Variants in MRPL13 observed in about 807,000 individuals in gnomAD.
MRPL13 encodes large ribosomal subunit protein uL13m.
Under a neutral mutation model 29.0 loss-of-function variants are expected in MRPL13, and 33 were observed. The observed-to-expected ratio is 1.14, with a 90% CI of 0.86 to 1.52. The LOEUF (loss-of-function observed/expected upper bound fraction) is 1.52, where lower values mean the gene tolerates loss of function less well. Ranked by LOEUF, MRPL13 falls within the 40% of genes most tolerant of loss-of-function variation. The pLI, the probability that MRPL13 is intolerant of heterozygous loss-of-function variation, is 0.00. For missense variants in MRPL13, 227 were observed against 216.7 expected (o/e 1.05, Z -0.30); for synonymous variants, 77 against 68.4 (o/e 1.13, Z -0.62).
chr8:120,412,908 G>A (rs1308749865), intron 6 of MRPL13, among the ~76,000 whole-genome samples: 1 of 151,850 alleles, frequency 6.6e-6, no homozygotes, highest in Non-Finnish European at 1.5e-5. Context: ...ATCTCTCTGT[G>A]CCCATATTTT....
At chr8:120,441,131 T>C (rs765317858) in intron 2 of MRPL13, among the ~76,000 whole-genome samples, 1 of 152,026 alleles carries the variant, frequency 6.6e-6, no homozygotes, top group Non-Finnish European at 1.5e-5. Flanking sequence ...ATGCTATTAA[T>C]TGAGACAGGG....
intron 2 of MRPL13, among the ~76,000 whole-genome samples, chr8:120,435,316 A>C (rs971411212): frequency 6.6e-6 from 1 of 152,124 alleles, no homozygotes; most frequent in Non-Finnish European, 1.5e-5. Flanking sequence ...TTTGTCACCT[A>C]GGCAATAAGC....
chr8:120,432,100 TAAC>T lies in MRPL13; in HGVS notation c.172_174del (p.Val58del), dbSNP rs1463631454. 5 of 1,604,252 alleles carry T rather than the reference TAAC, an allele frequency of 3.1e-6. No homozygotes were observed. Among genetic ancestry groups the T allele is most frequent in the Admixed American group, 3.4e-5 (2 of 58,664 alleles). ...AATGCAATGTGTCTTGTGTTCATTA[TAAC>T]AACATGATCCCCACAGTCACCTACA... On this transcript the variant is annotated inframe_deletion, in exon 3 of 7. Coordinates refer to ENST00000306185, the MANE Select transcript of MRPL13 (RefSeq NM_014078.6).
Position 120,395,825 on chromosome 8 carries a change from C to T in MRPL13, c.*279G>A, listed in dbSNP as rs1812516089. The T allele has an allele frequency of 1.1e-5, 3 of 284,336 alleles. No individual in the cohort carries two copies. The East Asian group carries it at 2.1e-4, about 20-fold the overall frequency. The allele number at this position is 284,336 out of a possible 1,614,324, so 17.6% of individuals were successfully genotyped here. ...TCTATACACAGGGTCTGTTTTTTAT[C>T]ATTAAATGCAACACTAAATAGTCAA... On this transcript the variant is annotated 3_prime_UTR_variant, in exon 7 of 7. Coordinates refer to ENST00000306185, the MANE Select transcript of MRPL13 (RefSeq NM_014078.6).
intron 6 of MRPL13, among the ~76,000 whole-genome samples, chr8:120,408,152 T>A (rs936172437): frequency 2.0e-5 from 3 of 152,224 alleles, no homozygotes; most frequent in African/African-American, 7.2e-5. Flanking sequence ...AATGTTTTTT[T>A]AAATCCTTTC....
At chr8:120,415,041 G>T (rs1018431858) in intron 5 of MRPL13, 6 of 152,092 alleles carry the variant, frequency 3.9e-5, no homozygotes, top group Admixed American at 3.9e-4. Flanking sequence ...ACATATCTAA[G>T]ACATTTTAAA....
At chr8:120,422,751 T>G (rs759922863) in intron 4 of MRPL13, among the ~76,000 whole-genome samples, 24 of 151,796 alleles carry the variant, frequency 1.6e-4, no homozygotes, top group Non-Finnish European at 2.8e-4. Flanking sequence ...AGGCCCCAAA[T>G]TCATCCTTCT....
intron 1 of MRPL13, 82 bp from the exon 2 acceptor site, chr8:120,443,390 TTATCA>T (rs1813150224): frequency 8.3e-7 from 1 of 1,210,542 alleles, no homozygotes; most frequent in African/African-American, 1.6e-5. Context: ...ATTAAATTTA[TTATCA>T]TATATCATCA....
chr8:120,419,561 C>T (rs1408609658), intron 5 of MRPL13: 1 of 184,232 alleles, frequency 5.4e-6, no homozygotes, highest in Non-Finnish European at 1.1e-5. Context: ...ACAAGTACCT[C>T]AATTTAACAG....
intron 3 of MRPL13, among the ~76,000 whole-genome samples, chr8:120,425,759 G>C (rs1225967913): frequency 6.6e-6 from 1 of 152,164 alleles, no homozygotes. Flanking sequence ...TGGGGAAAAT[G>C]TTGGTAGTCC....
chr8:120,407,698 A>C (rs367659347), intron 6 of MRPL13, among the ~76,000 whole-genome samples: 23 of 135,584 alleles, frequency 1.7e-4, no homozygotes, highest in Non-Finnish European at 3.6e-4. Context: ...CAAAACAAAA[A>C]ATACATTATT....
At chr8:120,413,510 T>C (rs1448188386) in intron 6 of MRPL13, among the ~76,000 whole-genome samples, 8 of 152,202 alleles carry the variant, frequency 5.3e-5, no homozygotes, top group Admixed American at 5.2e-4. Context: ...GGAGAAAGAA[T>C]GTTACATCTT....
rs191121478 is a variant in MRPL13 at position 120,429,116 on chromosome 8, T to C, written c.245+2914A>G. Reference sequence around the variant, plus strand: ...AACCTACATGCCCATCAAAGGTAGATTGGATAAAGAAAATGTAGTACATAT... The same window carrying C: ...AACCTACATGCCCATCAAAGGTAGACTGGATAAAGAAAATGTAGTACATAT... On this transcript the variant is annotated intron_variant, in intron 3 of 6. Coordinates refer to ENST00000306185, the MANE Select transcript of MRPL13 (RefSeq NM_014078.6). Among the ~76,000 whole-genome samples, 446 of 152,178 alleles carry C rather than the reference T, an allele frequency of 2.9e-3. 3 individuals carry two copies. The highest frequency in any genetic ancestry group is 0.01 in the African/African-American group (421 of 41,520).
At chr8:120,404,599 T>C (rs1812643582) in intron 6 of MRPL13, among the ~76,000 whole-genome samples, 1 of 152,248 alleles carries the variant, frequency 6.6e-6, no homozygotes, top group Non-Finnish European at 1.5e-5. Context: ...ACTACAATGT[T>C]TCTCTAATCA....
At chr8:120,441,655 A>C (rs1813125686) in intron 2 of MRPL13, among the ~76,000 whole-genome samples, 1 of 152,240 alleles carries the variant, frequency 6.6e-6, no homozygotes, top group Non-Finnish European at 1.5e-5. Flanking sequence ...AAGACAATAC[A>C]TAAACCTAGG....
In MRPL13 at chr8:120,432,041, A is replaced by G; in HGVS notation, c.234T>C (p.Ser78=). The change falls in exon 3 of 7, where the codon TCT becomes TCC. Residue 78 remains serine, a synonymous_variant. Transcript: ENST00000306185. ...CAGCATTATCTTACCCAGTATGCGA[A>G]GAGTATACTTTTTGTTCCCATTTGT... ...SGNKWEQKVY[S]SHTGYPGGFR... 6.2e-7 allele frequency: 1 copy of G among 1,600,708 alleles called. No homozygotes were observed. Among genetic ancestry groups the G allele is most frequent in the Non-Finnish European group, 8.5e-7 (1 of 1,173,052 alleles).
chr8:120,411,971 CTAAATA>C (rs1446437354), intron 6 of MRPL13, among the ~76,000 whole-genome samples: 3 of 152,232 alleles, frequency 2.0e-5, no homozygotes, highest in Admixed American at 1.3e-4. Flanking sequence ...TATAATAACA[CTAAATA>C]TAATTTGTGA....
chr8:120,432,889 C>CTTT (rs1187273270), intron 2 of MRPL13, among the ~76,000 whole-genome samples: 5 of 151,836 alleles, frequency 3.3e-5, no homozygotes, highest in African/African-American at 1.2e-4. Flanking sequence ...TTATAAAATA[C>CTTT]CTATTTTACT....
chr8:120,443,065 A>C, intron 2 of MRPL13, 120 bp downstream of exon 2: 2 of 1,011,976 alleles, frequency 2.0e-6, no homozygotes, highest in Non-Finnish European at 2.7e-6. Context: ...CAAGAATGGA[A>C]TACAGGATCC....
Sources: gnomAD v4.1 joint callset for allele counts (sites outside exome capture counted in the v4.1 genomes callset) on GRCh38, gnomAD v4.1.1 for gene constraint, MANE v1.5 for transcripts, NCBI Gene and HGNC (gene_info 2026-07-23, HGNC 2026-07-21) for gene names.